The following LRRC31 variants were observed in gnomAD, a reference collection of about 807,000 sequenced individuals.
LRRC31 encodes the protein leucine-rich repeat-containing protein 31.
A neutral mutation model predicts 46.7 loss-of-function variants in LRRC31; 35 were observed. The ratio of observed to expected loss-of-function variants is 0.75; its 90% CI spans 0.57 to 0.99. The LOEUF is 0.99. Ranked by LOEUF, LRRC31 falls within the 50% of genes least tolerant of loss-of-function variation. The pLI, the probability that LRRC31 is intolerant of heterozygous loss-of-function variation, is 0.00. For missense variants in LRRC31, 613 were observed against 626.1 expected, an observed-to-expected ratio of 0.98 and a Z score of 0.22; for synonymous variants, 236 against 235.1, an observed-to-expected ratio of 1.00 and a Z score of -0.03.
At chr3:169,859,595 G>C (rs914841168) in intron 3 of LRRC31, among the ~76,000 whole-genome samples, 5 of 152,222 alleles carry the variant, frequency 3.3e-5, no homozygotes, top group African/African-American at 4.8e-5. Flanking sequence ...TTTTAGTACA[G>C]CAGTTGGATA....
intron 1 of LRRC31, among the ~76,000 whole-genome samples, chr3:169,864,887 G>T (rs1781283131): frequency 6.6e-6 from 1 of 152,102 alleles, no homozygotes; most frequent in Non-Finnish European, 1.5e-5. Flanking sequence ...AACCAGGCTG[G>T]CCAACATGGC....
chr3:169,842,188 G>T (rs1215562543), intron 8 of LRRC31, among the ~76,000 whole-genome samples: 1 of 151,376 alleles, frequency 6.6e-6, no homozygotes, highest in Non-Finnish European at 1.5e-5. Context: ...GTAGGCCATG[G>T]GTATACTCTT....
At position 169,848,284 on chromosome 3, in the gene LRRC31, T is replaced by C; in HGVS notation, c.1163A>G (p.Glu388Gly). The C allele has an allele frequency of 3.1e-6, 5 of 1,613,910 alleles. No individual in the cohort carries two copies. The highest frequency in any genetic ancestry group is 4.2e-6 in the Non-Finnish European group (5 of 1,179,830). ...LESETFTALAEASVHLSALEV... is the reference protein window; with the variant it reads ...LESETFTALAGASVHLSALEV... ...CAGAGCAGAGAGGTGAACAGAGGCTTCAGCTAAAAGTGATAACAATACGAA... is the reference window on the plus strand; with the variant it reads ...CAGAGCAGAGAGGTGAACAGAGGCTCCAGCTAAAAGTGATAACAATACGAA... Residue 388 changes from glutamate to glycine, a missense_variant, in exon 8 of 9, where the codon GAA (glutamate) becomes GGA (glycine). Physicochemically the swap from Glu to Gly is moderately conservative, Grantham distance 98. Transcript: ENST00000316428.
At chr3:169,864,001 AGTGTGTGTGT>A (rs35795931) in intron 1 of LRRC31, among the ~76,000 whole-genome samples, 7 of 148,718 alleles carry the variant, frequency 4.7e-5, no homozygotes, top group Non-Finnish European at 9.0e-5. Context: ...TCCAAAGCCT[AGTGTGTGTGT>A]GTGTGTGTGT....
chr3:169,852,744 C>T (rs1488706356), intron 6 of LRRC31, among the ~76,000 whole-genome samples: 1 of 152,212 alleles, frequency 6.6e-6, no homozygotes, highest in Non-Finnish European at 1.5e-5. Flanking sequence ...CTCTACAAAG[C>T]TGGCTTACCT....
At chr3:169,865,134 C>G (rs940737173) in intron 1 of LRRC31, among the ~76,000 whole-genome samples, 2 of 149,988 alleles carry the variant, frequency 1.3e-5, no homozygotes, top group African/African-American at 4.9e-5. Context: ...TGCCTGTAGT[C>G]CCAGCTAGTA....
chr3:169,857,932 T>C (rs936761952), intron 3 of LRRC31, among the ~76,000 whole-genome samples: 2 of 152,072 alleles, frequency 1.3e-5, no homozygotes, highest in Non-Finnish European at 2.9e-5. Flanking sequence ...ACCAGTCAAT[T>C]GGGGGTGACT....
At chr3:169,845,807 A>T (rs1342712219) in intron 8 of LRRC31, among the ~76,000 whole-genome samples, 1 of 151,212 alleles carries the variant, frequency 6.6e-6, no homozygotes, top group Non-Finnish European at 1.5e-5. Flanking sequence ...ACGCTCTAAG[A>T]TGCAACACAA....
chr3:169,840,238 G>A lies in LRRC31; in HGVS notation c.1403C>T (p.Ala468Val), dbSNP rs200968795. 2.3e-4 allele frequency: 377 copies of A among 1,614,056 alleles called. 2 individuals carry two copies. The South Asian group carries it at 2.6e-3, about 11-fold the overall frequency. The change falls in exon 9 of 9, where the codon GCG becomes GTG. Residue 468 changes from alanine (A) to valine (V), a missense_variant. Coordinates refer to ENST00000316428, the MANE Select transcript of LRRC31 (RefSeq NM_024727.4). Reference sequence around the variant, plus strand: ...GTTTTGGCAGAACATGGTCCACCCCGCATCACAGATGCTGTCATTGTAGCT... The same window carrying A: ...GTTTTGGCAGAACATGGTCCACCCCACATCACAGATGCTGTCATTGTAGCT... ...DLSYNDSICD[A>V]GWTMFCQNVR...
rs939522699 is a variant in LRRC31 at position 169,839,718 on chromosome 3, T to C, written c.*264A>G. ...ATTGAAAAATGCCATTTTTGTTTCATAGACAGAGAATAATGGCATGCTCAT... is the reference window on the plus strand; with the variant it reads ...ATTGAAAAATGCCATTTTTGTTTCACAGACAGAGAATAATGGCATGCTCAT... On this transcript the variant is annotated 3_prime_UTR_variant, in exon 9 of 9. Transcript: ENST00000316428. 3 of 156,210 alleles carry C rather than the reference T, an allele frequency of 1.9e-5. No individual in the cohort carries two copies. Among genetic ancestry groups the C allele is most frequent in the African/African-American group, 7.3e-5 (3 of 41,226 alleles). 9.7% of individuals were successfully genotyped at this position (156,210 alleles called of 1,614,324 possible). A position where few individuals can be genotyped will look rare whatever the true frequency, so the allele number is the denominator to read the frequency against.
intron 8 of LRRC31, among the ~76,000 whole-genome samples, chr3:169,843,193 T>G (rs181229731): frequency 6.6e-6 from 1 of 152,270 alleles, no homozygotes; most frequent in African/African-American, 2.4e-5. Flanking sequence ...AGATTTAAAG[T>G]GTGAGAGGCA....
chr3:169,857,445 C>T (rs956682791), intron 3 of LRRC31, among the ~76,000 whole-genome samples: 14 of 91,662 alleles, frequency 1.5e-4, no homozygotes, highest in African/African-American at 5.5e-4. Flanking sequence ...ATATCACATG[C>T]AACCTGAACT....
intron 6 of LRRC31, among the ~76,000 whole-genome samples, chr3:169,852,620 C>G (rs555730808): frequency 2.0e-5 from 3 of 152,238 alleles, no homozygotes; most frequent in Middle Eastern, 3.4e-3. Flanking sequence ...CTATTGGTAA[C>G]GGCACTGGGT....
At chr3:169,864,393 T>C (rs1228626435) in intron 1 of LRRC31, among the ~76,000 whole-genome samples, 1 of 152,192 alleles carries the variant, frequency 6.6e-6, no homozygotes, top group Non-Finnish European at 1.5e-5. Context: ...CTCTGTCATG[T>C]TTGATGTGAC....
chr3:169,856,038 A>G (rs1780929440), intron 5 of LRRC31, among the ~76,000 whole-genome samples: 1 of 151,542 alleles, frequency 6.6e-6, no homozygotes, highest in African/African-American at 2.4e-5. Context: ...ACGTACCACC[A>G]CGCCCAACTA....
chr3:169,857,369 CAAGT>C (rs1165387554), intron 3 of LRRC31, among the ~76,000 whole-genome samples: 3 of 103,004 alleles, frequency 2.9e-5, no homozygotes, highest in African/African-American at 1.0e-4. Context: ...CACACACACA[CAAGT>C]ATATATATAC....
intron 5 of LRRC31, among the ~76,000 whole-genome samples, chr3:169,856,039 C>G (rs1476954747): frequency 6.6e-6 from 1 of 151,980 alleles, no homozygotes; most frequent in African/African-American, 2.4e-5. Flanking sequence ...CGTACCACCA[C>G]GCCCAACTAA....
At chr3:169,861,384 A>G (rs1781148819) in intron 2 of LRRC31, among the ~76,000 whole-genome samples, 1 of 143,406 alleles carries the variant, frequency 7.0e-6, no homozygotes, top group Non-Finnish European at 1.5e-5. Flanking sequence ...TAAAAAAAAA[A>G]GAAAAAAGAA....
In LRRC31 at chr3:169,856,370, T is replaced by A. The variant is rs1394090983; in HGVS notation, c.789A>T (p.Ser263=). 1 of 1,597,536 alleles carries A rather than the reference T, an allele frequency of 6.3e-7. No individual in the cohort carries two copies. Among genetic ancestry groups the A allele is most frequent in the Admixed American group, 1.7e-5 (1 of 58,186 alleles). ...TGACACTCTTTTGTGATAATCCACA[T>A]GAATGTAACTTCAGTACTTTCAGAT... ...TSNLKVLKLH[S]CGLSQKSVKI... Residue 263 remains serine (S), a synonymous_variant, in exon 5 of 9, where the codon TCA becomes TCT. Transcript: ENST00000316428.
Sources: gnomAD v4.1 joint callset for allele counts (sites outside exome capture counted in the v4.1 genomes callset) on GRCh38, gnomAD v4.1.1 for gene constraint, MANE v1.5 for transcripts, NCBI Gene and HGNC (gene_info 2026-07-23, HGNC 2026-07-21) for gene names.